The following FANCM variants were observed in gnomAD, a reference collection of about 807,000 sequenced individuals.
The protein encoded by FANCM is Fanconi anemia group M protein.
Under a neutral mutation model 199.5 loss-of-function variants are expected in FANCM, and 140 were observed. That is an observed-to-expected ratio of 0.70 (90% CI 0.61 to 0.81). The LOEUF (loss-of-function observed/expected upper bound fraction) is 0.81, where lower values mean the gene tolerates loss of function less well. Ranked by LOEUF, FANCM falls within the 30% of genes least tolerant of loss-of-function variation. The pLI is 0.00. For missense variants in FANCM, 2,410 were observed against 2,421.4 expected (o/e 1.00, Z 0.10); for synonymous variants, 840 against 836.8 (o/e 1.00, Z -0.07).
At chr14:45,156,229 AG>A (rs1887180097) in intron 8 of FANCM, among the ~76,000 whole-genome samples, 2 of 152,164 alleles carry the variant, frequency 1.3e-5, no homozygotes, top group Non-Finnish European at 2.9e-5. Flanking sequence ...AAAGGCCTTG[AG>A]GTGGCAGTAG....
Position 45,164,479 on chromosome 14 carries a change from A to G in FANCM, c.1702A>G (p.Ile568Val), listed in dbSNP as rs558763945. Residue 568 changes from isoleucine (I) to valine (V), a missense_variant, in exon 10 of 23, where the codon ATT becomes GTT. By Grantham distance (29) the Ile-to-Val change is conservative (BLOSUM62 3). Coordinates refer to ENST00000267430, the MANE Select transcript of FANCM (RefSeq NM_020937.4). ...IICFDSQKSP[I>V]RLVQRMGRTG... Reference sequence around the variant, plus strand: ...ATGTTTTGATTCCCAGAAGAGCCCAATTCGTCTTGTACAACGAATGGGTAG... The same window carrying G: ...ATGTTTTGATTCCCAGAAGAGCCCAGTTCGTCTTGTACAACGAATGGGTAG... 1.9e-5 allele frequency: 30 copies of G among 1,613,638 alleles called. No homozygotes were observed. Among genetic ancestry groups the G allele is most frequent in the African/African-American group, 1.5e-4 (11 of 74,920 alleles).
In FANCM at chr14:45,188,861, T is replaced by A; in HGVS notation, c.4839T>A (p.Ser1613=). ...GTTTTTGTGTTGATGAAGAGGAGTC[T>A]TGCAAAGGCCAATCAAGTGAAGAAG... ...EDSFCVDEEE[S]CKGQSSEEEV... Residue 1613 remains serine (S), a synonymous_variant, in exon 20 of 23, where the codon TCT becomes TCA. Coordinates refer to ENST00000267430, the MANE Select transcript of FANCM (RefSeq NM_020937.4). The A allele has an allele frequency of 6.2e-7, 1 of 1,613,764 alleles. No individual in the cohort carries two copies. Among genetic ancestry groups the A allele is most frequent in the Non-Finnish European group, 8.5e-7 (1 of 1,179,916 alleles).
rs1352091943 is a variant in FANCM, at chr14:45,136,563, G to T, written c.508+24G>T. ...AGGTATCTTAGACTGGACTAATTTTGAAGTAAGAGCTGGGAATTCCTGACC... is the reference window on the plus strand; with the variant it reads ...AGGTATCTTAGACTGGACTAATTTTTAAGTAAGAGCTGGGAATTCCTGACC... On this transcript the variant is annotated intron_variant, in intron 1 of 22. Coordinates refer to ENST00000267430, the MANE Select transcript of FANCM (RefSeq NM_020937.4). 3.1e-6 allele frequency: 5 copies of T among 1,609,316 alleles called. No homozygotes were observed. The South Asian group carries it at 4.4e-5, about 14-fold the overall frequency.
rs142007602 is a variant in FANCM at position 45,136,202 on chromosome 14, G to C, written c.171G>C (p.Leu57Phe). The change falls in exon 1 of 23, where the codon TTG (leucine) becomes TTC (phenylalanine). Residue 57 changes from leucine (L) to phenylalanine (F), a missense_variant. Coordinates refer to ENST00000267430, the MANE Select transcript of FANCM (RefSeq NM_020937.4). The part of the protein sequence containing the change: ...EAQLESDDDV[L>F]LVAAYEAERQ... The stretch of plus-strand genomic sequence containing the variant: ...AGCTGGAGTCGGACGATGATGTGTT[G>C]CTTGTCGCGGCGTACGAGGCTGAGC... 2.4e-3 allele frequency: 3,809 copies of C among 1,614,190 alleles called. 9 individuals are homozygous for C. The highest frequency in any genetic ancestry group is 2.9e-3 in the Non-Finnish European group (3,382 of 1,180,040).
intron 14 of FANCM, 79 bp downstream of exon 14, chr14:45,177,055 G>A: frequency 2.1e-6 from 2 of 936,326 alleles, no homozygotes; most frequent in Non-Finnish European, 3.4e-6. Context: ...TTTTCCAAAT[G>A]TAATTTTTTA....
At chr14:45,188,275 G>T (rs1211933392) in intron 19 of FANCM, among the ~76,000 whole-genome samples, 1 of 152,110 alleles carries the variant, frequency 6.6e-6, no homozygotes, top group Non-Finnish European at 1.5e-5. Flanking sequence ...GGAGGCAGAG[G>T]TTGCAATGAG....
chr14:45,143,133 A>G (rs1465743543), intron 3 of FANCM, among the ~76,000 whole-genome samples: 1 of 150,078 alleles, frequency 6.7e-6, no homozygotes, highest in Non-Finnish European at 1.5e-5. Context: ...TTTGTCTGTT[A>G]GGAGCTCCTT....
intron 9 of FANCM, among the ~76,000 whole-genome samples, chr14:45,160,058 T>C (rs1887486101): frequency 6.7e-6 from 1 of 148,696 alleles, no homozygotes; most frequent in Non-Finnish European, 1.5e-5. Context: ...TGGAGTGCAG[T>C]GGTGTGATCT....
intron 9 of FANCM, among the ~76,000 whole-genome samples, chr14:45,160,206 G>A (rs954720722): frequency 1.1e-4 from 17 of 151,332 alleles, no homozygotes; most frequent in South Asian, 1.0e-3. Flanking sequence ...CTTGGCCAGG[G>A]TGGTCTCAAA....
At chr14:45,188,421 A>G (rs2139293967) in intron 19 of FANCM, among the ~76,000 whole-genome samples, 1 of 152,302 alleles carries the variant, frequency 6.6e-6, no homozygotes, top group Non-Finnish European at 1.5e-5. Flanking sequence ...GCTGAAAATT[A>G]TAGGTTATGT....
intron 18 of FANCM, among the ~76,000 whole-genome samples, chr14:45,187,314 T>TA (rs77519169): frequency 0.086 from 12,981 of 150,496 alleles, 733 homozygotes; most frequent in South Asian, 0.2. Flanking sequence ...ATGCTAGCCA[T>TA]AAAAAAAAAC....
intron 9 of FANCM, among the ~76,000 whole-genome samples, chr14:45,160,685 C>G (rs770579402): frequency 2.8e-4 from 43 of 152,092 alleles, no homozygotes; most frequent in Middle Eastern, 6.8e-3. Flanking sequence ...GCTGGGACTA[C>G]AGGTGCCCAC....
chr14:45,143,321 C>T (rs912362901), intron 3 of FANCM, among the ~76,000 whole-genome samples: 2 of 152,016 alleles, frequency 1.3e-5, no homozygotes, highest in Admixed American at 1.3e-4. Context: ...TGCCTGCCAC[C>T]ACACCCAGCA....
At chr14:45,142,631 T>C (rs1400449912) in intron 3 of FANCM, among the ~76,000 whole-genome samples, 6 of 152,022 alleles carry the variant, frequency 3.9e-5, no homozygotes, top group African/African-American at 1.5e-4. Context: ...TTGTTTTCCA[T>C]GACCTTGATG....
At chr14:45,166,752 T>C (rs1399215557) in intron 10 of FANCM, among the ~76,000 whole-genome samples, 198 bp from the exon 11 acceptor site, 1 of 145,708 alleles carries the variant, frequency 6.9e-6, no homozygotes, top group Non-Finnish European at 1.5e-5. Context: ...CTCCAGAGCC[T>C]GGATGACAGA....
intron 10 of FANCM, among the ~76,000 whole-genome samples, chr14:45,166,147 A>C (rs1293723514): frequency 6.6e-6 from 1 of 151,692 alleles, no homozygotes; most frequent in Non-Finnish European, 1.5e-5. Flanking sequence ...AAAAAAAACA[A>C]AAAAAACGGA....
At chr14:45,163,565 A>G (rs1313910644) in intron 9 of FANCM, among the ~76,000 whole-genome samples, 1 of 152,246 alleles carries the variant, frequency 6.6e-6, no homozygotes, top group Non-Finnish European at 1.5e-5. Context: ...GGTTTCATTA[A>G]ACTGATCAGA....
chr14:45,196,696 A>G (rs1345955370), intron 21 of FANCM, 149 bp downstream of exon 21: 2 of 793,238 alleles, frequency 2.5e-6, no homozygotes, highest in African/African-American at 3.5e-5. Context: ...TACAGCCATA[A>G]TGGCTTTCAT....
intron 3 of FANCM, among the ~76,000 whole-genome samples, chr14:45,146,954 C>T (rs1405748054): frequency 1.3e-5 from 2 of 148,498 alleles, no homozygotes; most frequent in Non-Finnish European, 3.0e-5. Context: ...ATTGGTCATT[C>T]TTTTGCGTAT....
Sources: allele counts gnomAD v4.1 joint callset (sites outside exome capture counted in the v4.1 genomes callset), GRCh38; gene constraint gnomAD v4.1.1; transcripts MANE v1.5; gene names NCBI Gene and HGNC (gene_info 2026-07-23, HGNC 2026-07-21).